STMN2: variants seen among roughly 807,000 people sequenced by gnomAD.
STMN2 encodes stathmin-2.
In STMN2, 2 loss-of-function variants were observed where a neutral mutation model predicts 24.1. The ratio of observed to expected loss-of-function variants is 0.08; its 90% CI spans 0.03 to 0.26. The LOEUF is 0.26. Ranked by LOEUF, STMN2 falls within the 10% of genes least tolerant of loss-of-function variation. The pLI is 1.00. For synonymous variants in STMN2, 83 were observed against 77.5 expected (o/e 1.07, Z -0.37); for missense variants, 114 against 213.6 (o/e 0.53, Z 2.91).
At chr8:79,612,529 A>G (rs1809264749) in intron 1 of STMN2, among the ~76,000 whole-genome samples, 1 of 152,224 alleles carries the variant, frequency 6.6e-6, no homozygotes, top group Non-Finnish European at 1.5e-5. Flanking sequence ...CAATTTCATA[A>G]GCTCAGAGAG....
At chr8:79,615,738 G>C (rs1274946617) in intron 1 of STMN2, among the ~76,000 whole-genome samples, 1 of 152,176 alleles carries the variant, frequency 6.6e-6, no homozygotes, top group African/African-American at 2.4e-5. Context: ...CTGATGCCAT[G>C]CTTTACCCTA....
At chr8:79,650,090 C>T (rs1810302164) in intron 3 of STMN2, among the ~76,000 whole-genome samples, 1 of 152,154 alleles carries the variant, frequency 6.6e-6, no homozygotes, top group Non-Finnish European at 1.5e-5. Flanking sequence ...TCACGTTGAA[C>T]ATCTCAGTTC....
intron 1 of STMN2, chr8:79,613,823 G>A: frequency 1.0e-6 from 1 of 985,338 alleles, no homozygotes; most frequent in Non-Finnish European, 1.2e-6. Flanking sequence ...TTCCTGCCAG[G>A]ATTATGTATG....
At chr8:79,646,483 G>T (rs889507820) in intron 3 of STMN2, among the ~76,000 whole-genome samples, 1 of 151,934 alleles carries the variant, frequency 6.6e-6, no homozygotes, top group African/African-American at 2.4e-5. Flanking sequence ...TAAGACATTT[G>T]AAAAGAAGCA....
At chr8:79,625,084 T>G (rs535360656) in intron 1 of STMN2, among the ~76,000 whole-genome samples, 11 of 152,316 alleles carry the variant, frequency 7.2e-5, no homozygotes, top group African/African-American at 2.4e-4. Context: ...TCACAAATGC[T>G]GGCCAAGGAA....
At chr8:79,624,226 G>A (rs951797209) in intron 1 of STMN2, among the ~76,000 whole-genome samples, 10 of 151,946 alleles carry the variant, frequency 6.6e-5, no homozygotes, top group East Asian at 1.9e-4. Context: ...TGGCCGAGGC[G>A]GGCGGATCAC....
chr8:79,645,168 A>G (rs2130367335), intron 3 of STMN2, among the ~76,000 whole-genome samples: 1 of 151,696 alleles, frequency 6.6e-6, no homozygotes, highest in East Asian at 1.9e-4. Flanking sequence ...AAAAAAAAAG[A>G]AAGAAATGTA....
At chr8:79,662,755 A>G (rs990656459) in intron 4 of STMN2, among the ~76,000 whole-genome samples, 2 of 152,126 alleles carry the variant, frequency 1.3e-5, no homozygotes, top group Non-Finnish European at 2.9e-5. Flanking sequence ...AAAGTAGCCT[A>G]ATAATACTAA....
chr8:79,656,583 G>T (rs969978535), intron 4 of STMN2, among the ~76,000 whole-genome samples: 2 of 152,100 alleles, frequency 1.3e-5, no homozygotes, highest in African/African-American at 4.8e-5. Flanking sequence ...TCCTCCATCT[G>T]CCACCACTTT....
At chr8:79,638,347 C>T (rs1412314666) in intron 2 of STMN2, among the ~76,000 whole-genome samples, 3 of 152,200 alleles carry the variant, frequency 2.0e-5, no homozygotes, top group Non-Finnish European at 4.4e-5. Flanking sequence ...TATGTGTGAG[C>T]TGATTCTTGA....
chr8:79,647,888 A>G (rs891871937), intron 3 of STMN2, among the ~76,000 whole-genome samples: 2 of 152,170 alleles, frequency 1.3e-5, no homozygotes, highest in African/African-American at 4.8e-5. Context: ...TTAACCATCC[A>G]TTTATCATTT....
intron 3 of STMN2, among the ~76,000 whole-genome samples, chr8:79,648,882 T>C (rs747853641): frequency 1.2e-3 from 178 of 152,294 alleles, no homozygotes; most frequent in Non-Finnish European, 2.0e-3. Flanking sequence ...AAAATTAATA[T>C]TGTGAAAACA....
intron 1 of STMN2, among the ~76,000 whole-genome samples, chr8:79,623,022 C>T (rs1212128805): frequency 1.3e-5 from 2 of 152,172 alleles, no homozygotes; most frequent in Non-Finnish European, 2.9e-5. Context: ...CCACTTTAAA[C>T]ACCCTTCCTT....
chr8:79,613,968 C>A (rs566020695), intron 1 of STMN2, among the ~76,000 whole-genome samples: 4 of 151,886 alleles, frequency 2.6e-5, no homozygotes, highest in Non-Finnish European at 5.9e-5. Flanking sequence ...TTGAGATGAT[C>A]TTCAACATAA....
intron 4 of STMN2, among the ~76,000 whole-genome samples, chr8:79,661,654 C>T (rs1806504181): frequency 6.6e-6 from 1 of 152,030 alleles, no homozygotes; most frequent in African/African-American, 2.4e-5. Flanking sequence ...CAAACAACAA[C>T]CTAAAAGAAA....
intron 1 of STMN2, among the ~76,000 whole-genome samples, chr8:79,628,583 T>G (rs1055863286): frequency 6.6e-6 from 1 of 152,250 alleles, no homozygotes; most frequent in African/African-American, 2.4e-5. Context: ...TCCTGTCTTT[T>G]TGAGAACAGA....
intron 3 of STMN2, 21 bp from the exon 4 acceptor site, chr8:79,654,850 G>A (rs928144170): frequency 1.9e-6 from 3 of 1,605,754 alleles, no homozygotes; most frequent in Admixed American, 3.4e-5. Context: ...ATTATAAGAT[G>A]GCTATGTTTT....
intron 1 of STMN2, among the ~76,000 whole-genome samples, chr8:79,620,227 A>T (rs1809480653): frequency 6.7e-6 from 1 of 148,376 alleles, no homozygotes; most frequent in African/African-American, 2.4e-5. Context: ...TATATTATTT[A>T]CCTATCAAAA....
intron 1 of STMN2, among the ~76,000 whole-genome samples, chr8:79,627,658 G>A (rs559935407): frequency 2.0e-5 from 3 of 152,154 alleles, no homozygotes; most frequent in Non-Finnish European, 4.4e-5. Flanking sequence ...TCTTTATGAA[G>A]CATTTGTCAC....
Sources: allele counts gnomAD v4.1 joint callset (sites outside exome capture counted in the v4.1 genomes callset), GRCh38; gene constraint gnomAD v4.1.1; transcripts MANE v1.5; gene names NCBI Gene and HGNC (gene_info 2026-07-23, HGNC 2026-07-21).